The following ABHD18 variants were observed in gnomAD, a reference collection of about 807,000 sequenced individuals.
ABHD18 encodes the protein abhydrolase domain containing 18, also known as cardiolipin-specific deacylase, mitochondrial.
Under a neutral mutation model 65.9 loss-of-function variants are expected in ABHD18, and 55 were observed. The observed-to-expected ratio is 0.84, with a 90% CI of 0.67 to 1.05. The LOEUF (loss-of-function observed/expected upper bound fraction) is 1.05. ABHD18 is among the 50% of genes least tolerant of loss of function. The pLI, the probability that ABHD18 is intolerant of heterozygous loss-of-function variation, is 0.00. For missense variants in ABHD18, 533 were observed against 558.5 expected (o/e 0.95, Z 0.46); for synonymous variants, 181 against 180.2 (o/e 1.00, Z -0.04).
chr4:128,020,674 G>C (rs1347664138), intron 9 of ABHD18, among the ~76,000 whole-genome samples: 1 of 152,112 alleles, frequency 6.6e-6, no homozygotes, highest in Non-Finnish European at 1.5e-5. Flanking sequence ...TATAAGTATA[G>C]AAAGCTGTTT....
intron 12 of ABHD18, among the ~76,000 whole-genome samples, chr4:128,033,177 C>G (rs1236504127): frequency 3.3e-5 from 5 of 151,954 alleles, no homozygotes; most frequent in Non-Finnish European, 5.9e-5. Context: ...TGGTGTGAAC[C>G]CAGAGGTCAG....
At position 128,039,154 on chromosome 4, in the gene ABHD18, T is replaced by TACACAC. The variant is rs1292257511; in HGVS notation, c.*3342_*3343insCACACA. 2,395 of 81,006 alleles carry TACACAC rather than the reference T, an allele frequency of 0.03. 99 individuals carry two copies. Among genetic ancestry groups the TACACAC allele is most frequent in the East Asian group, 0.24 (685 of 2,908 alleles). The allele number at this position is 81,006 out of a possible 1,614,324, so 5.0% of individuals were successfully genotyped here. ...ATATACACACATATGCATATATATATATATATATATATATATATATATATA... is the reference window on the plus strand; with the variant it reads ...ATATACACACATATGCATATATATATACACACATATATATATATATATATATATATA... On this transcript the variant is annotated 3_prime_UTR_variant, in exon 13 of 13. Coordinates refer to ENST00000645843, the MANE Select transcript of ABHD18 (RefSeq NM_001358451.3).
rs1198725932 is a variant in ABHD18 at position 127,986,294 on chromosome 4, TCTTCA to T, written c.177+1875_177+1879del. On this transcript the variant is annotated intron_variant, in intron 3 of 12. Coordinates refer to ENST00000645843, the MANE Select transcript of ABHD18 (RefSeq NM_001358451.3). The stretch of plus-strand genomic sequence containing the variant: ...AATATGTAACTTTTTTTGTCTGGCT[TCTTCA>T]CTTAGCATAATGTTTTCAAGGTTCA... Among the ~76,000 whole-genome samples the T allele has an allele frequency of 6.6e-5, 10 of 152,222 alleles. No homozygotes were observed. The East Asian group carries it at 1.9e-3, about 29-fold the overall frequency.
intron 1 of ABHD18, among the ~76,000 whole-genome samples, chr4:127,967,259 A>C (rs757708968): frequency 6.6e-5 from 10 of 151,790 alleles, no homozygotes; most frequent in Non-Finnish European, 1.3e-4. Flanking sequence ...TGAGGGGGGA[A>C]TTGTCTCATG....
At chr4:127,983,075 G>T (rs1324094082) in intron 2 of ABHD18, 28 bp downstream of exon 2, 2 of 1,453,492 alleles carry the variant, frequency 1.4e-6, no homozygotes, top group East Asian at 2.5e-5. Flanking sequence ...CTGAATACTT[G>T]TTCTGAATTT....
intron 7 of ABHD18, among the ~76,000 whole-genome samples, chr4:128,012,190 T>A (rs147051773): frequency 4.6e-4 from 70 of 152,274 alleles, no homozygotes; most frequent in African/African-American, 1.7e-3. Flanking sequence ...TTGGTCAGGC[T>A]GGTCTCAAAC....
At chr4:128,005,441 A>C (rs976158169) in intron 4 of ABHD18, among the ~76,000 whole-genome samples, 7 of 152,224 alleles carry the variant, frequency 4.6e-5, no homozygotes, top group African/African-American at 1.7e-4. Flanking sequence ...TGAAAAGCAA[A>C]TCAACTTGTA....
rs1759144519 is a variant in ABHD18, at chr4:128,039,169, AT to A, written c.*3357del. On this transcript the variant is annotated 3_prime_UTR_variant, in exon 13 of 13. Transcript: ENST00000645843. Reference sequence around the variant, plus strand: ...CATATATATATATATATATATATATATATATATATATATATAATCTCAAAGA... The same window carrying A: ...CATATATATATATATATATATATATAATATATATATATATAATCTCAAAGA... The A allele has an allele frequency of 7.2e-6, 1 of 138,570 alleles. No individual in the cohort carries two copies. The highest frequency in any genetic ancestry group is 1.5e-5 in the Non-Finnish European group (1 of 65,710). 8.6% of individuals were successfully genotyped at this position (138,570 alleles called of 1,614,324 possible).
In ABHD18 at chr4:128,017,514, A is replaced by G. The variant is rs1579393217; in HGVS notation, c.609+13A>G. 2 of 1,583,434 alleles carry G rather than the reference A, an allele frequency of 1.3e-6. No homozygotes were observed. Among genetic ancestry groups the G allele is most frequent in the Non-Finnish European group, 1.7e-6 (2 of 1,170,034 alleles). ...CATGGGAGGACACGTAAGCCTTTTT[A>G]TTTCTGCTTACATTTAATTATGTTT... On this transcript the variant is annotated intron_variant, in intron 8 of 12. Transcript: ENST00000645843.
chr4:128,031,760 A>G (rs183138698), intron 12 of ABHD18, among the ~76,000 whole-genome samples: 3 of 152,316 alleles, frequency 2.0e-5, no homozygotes, highest in Admixed American at 2.0e-4. Flanking sequence ...AAATAAACCA[A>G]TTGTTCAAGT....
chr4:128,030,473 T>C (rs765572783), intron 11 of ABHD18, 37 bp from the exon 12 acceptor site: 2 of 1,359,862 alleles, frequency 1.5e-6, no homozygotes, highest in Non-Finnish European at 1.9e-6. Flanking sequence ...TATTTTCTAA[T>C]GTGTATATGT....
At chr4:128,030,430 A>T in intron 11 of ABHD18, 80 bp from the exon 12 acceptor site, 1 of 980,972 alleles carries the variant, frequency 1.0e-6, no homozygotes, top group Non-Finnish European at 1.4e-6. Context: ...TAGTTTGACG[A>T]ATGTTTTATT....
chr4:127,976,921 G>A (rs1748035377), intron 1 of ABHD18, among the ~76,000 whole-genome samples: 1 of 151,788 alleles, frequency 6.6e-6, no homozygotes, highest in African/African-American at 2.4e-5. Flanking sequence ...GGCACCTATA[G>A]TCCTAGCTAC....
intron 6 of ABHD18, among the ~76,000 whole-genome samples, chr4:128,010,047 G>T (rs535049080): frequency 5.3e-5 from 8 of 152,002 alleles, no homozygotes; most frequent in Non-Finnish European, 1.2e-4. Flanking sequence ...TGTGACCTTG[G>T]ACATGTTACA....
intron 4 of ABHD18, among the ~76,000 whole-genome samples, chr4:127,999,947 C>T (rs948642490): frequency 3.3e-5 from 5 of 152,190 alleles, no homozygotes; most frequent in Non-Finnish European, 7.4e-5. Context: ...TAACAGTCCA[C>T]GTGGCTGGGA....
intron 6 of ABHD18, among the ~76,000 whole-genome samples, chr4:128,010,448 G>A (rs962771256): frequency 2.0e-5 from 3 of 151,716 alleles, no homozygotes; most frequent in Non-Finnish European, 4.4e-5. Flanking sequence ...AGAATCACTT[G>A]AACCCAGGAG....
chr4:127,969,203 TC>T (rs1466853536), intron 1 of ABHD18, among the ~76,000 whole-genome samples: 23 of 151,130 alleles, frequency 1.5e-4, no homozygotes, highest in Non-Finnish European at 3.1e-4. Flanking sequence ...TTTTCTTTTT[TC>T]TTTTTTTTTT....
chr4:128,004,208 T>C (rs890800570), intron 4 of ABHD18, among the ~76,000 whole-genome samples: 4 of 152,096 alleles, frequency 2.6e-5, no homozygotes, highest in African/African-American at 9.7e-5. Context: ...CCCCAGCACT[T>C]TGGGAAGCTG....
intron 1 of ABHD18, among the ~76,000 whole-genome samples, chr4:127,970,603 A>G (rs1156675147): frequency 6.6e-6 from 1 of 151,428 alleles, no homozygotes; most frequent in Non-Finnish European, 1.5e-5. Flanking sequence ...AAAAAAAAAA[A>G]AAAAAAAGAA....
Sources: gnomAD v4.1 joint callset for allele counts (sites outside exome capture counted in the v4.1 genomes callset) on GRCh38, gnomAD v4.1.1 for gene constraint, MANE v1.5 for transcripts, NCBI Gene and HGNC (gene_info 2026-07-23, HGNC 2026-07-21) for gene names.